The following DLG1 variants were observed in gnomAD, a reference collection of about 807,000 sequenced individuals.
The protein encoded by DLG1 is discs large MAGUK scaffold protein 1, also known as disks large homolog 1.
Under a neutral mutation model 123.4 loss-of-function variants are expected in DLG1, and 42 were observed. That is an observed-to-expected ratio of 0.34 (90% confidence interval 0.27 to 0.44). The LOEUF is 0.44. Among genes scored for constraint, DLG1 ranks in the 20% least tolerant of loss-of-function variants. The pLI, the probability that DLG1 is intolerant of heterozygous loss-of-function variation, is 1.00. For synonymous variants in DLG1, 317 were observed against 356.2 expected, an observed-to-expected ratio of 0.89 and a Z score of 1.24; for missense variants, 942 against 1,082.6, an observed-to-expected ratio of 0.87 and a Z score of 1.82.
intron 4 of DLG1, among the ~76,000 whole-genome samples, chr3:197,281,130 C>A (rs547037687): frequency 1.3e-5 from 2 of 151,550 alleles, no homozygotes; most frequent in African/African-American, 2.4e-5. Flanking sequence ...CTCCGCCTCC[C>A]AGGTTCAAGC....
At chr3:197,051,833 ATTTTTTTTTTT>A (rs35979905) in intron 23 of DLG1, among the ~76,000 whole-genome samples, 165 bp from the exon 24 acceptor site, 7 of 90,254 alleles carry the variant, frequency 7.8e-5, no homozygotes, top group East Asian at 4.4e-4. Context: ...ATTTCTGGGA[ATTTTTTTTTTT>A]TTTTTTTTTT....
intron 13 of DLG1, 78 bp downstream of exon 13, chr3:197,115,849 T>C: frequency 7.0e-7 from 1 of 1,427,152 alleles, no homozygotes; most frequent in African/African-American, 1.5e-5. Context: ...CTTTAGGATA[T>C]AAAAAAACAG....
At chr3:197,232,652 T>C (rs912956521) in intron 4 of DLG1, among the ~76,000 whole-genome samples, 1 of 152,108 alleles carries the variant, frequency 6.6e-6, no homozygotes, top group Non-Finnish European at 1.5e-5. Flanking sequence ...TCATGAATAT[T>C]TGTTCAACAA....
intron 13 of DLG1, 39 bp downstream of exon 13, chr3:197,115,888 G>A: frequency 6.3e-7 from 1 of 1,596,416 alleles, no homozygotes; most frequent in Non-Finnish European, 8.5e-7. Context: ...TAGGTCCAGT[G>A]AAAATAACAA....
intron 4 of DLG1, among the ~76,000 whole-genome samples, chr3:197,210,402 GGAAA>G (rs1561471510): frequency 6.9e-6 from 1 of 144,066 alleles, no homozygotes. Context: ...GACAGATCAA[GGAAA>G]GAGAGAATAT....
chr3:197,101,312 A>G (rs1763306628), intron 14 of DLG1, among the ~76,000 whole-genome samples: 1 of 152,232 alleles, frequency 6.6e-6, no homozygotes, highest in South Asian at 2.1e-4. Flanking sequence ...CTTGGGAGTT[A>G]AAAGAGTGAA....
At chr3:197,193,824 C>CT (rs541980236) in intron 5 of DLG1, among the ~76,000 whole-genome samples, 1,743 of 143,672 alleles carry the variant, frequency 0.012, 21 homozygotes, top group South Asian at 0.028. Context: ...TGTTAATGCT[C>CT]TTTTTTTTTT....
chr3:197,178,723 G>A (rs1420706805), intron 5 of DLG1, among the ~76,000 whole-genome samples: 8 of 152,144 alleles, frequency 5.3e-5, no homozygotes, highest in East Asian at 3.8e-4. Context: ...CTATCCACGA[G>A]TCAAAGGAGA....
intron 4 of DLG1, among the ~76,000 whole-genome samples, chr3:197,251,820 C>CA (rs1428699970): frequency 6.6e-6 from 1 of 151,870 alleles, no homozygotes; most frequent in Non-Finnish European, 1.5e-5. Flanking sequence ...AACTTAATAG[C>CA]AAAAAAACAA....
intron 5 of DLG1, among the ~76,000 whole-genome samples, chr3:197,159,224 T>C (rs937640964): frequency 6.6e-6 from 1 of 152,226 alleles, no homozygotes; most frequent in Non-Finnish European, 1.5e-5. Flanking sequence ...TGCCACTCTG[T>C]ATAATAAGCA....
At chr3:197,079,054 G>GAA (rs3836426) in intron 17 of DLG1, among the ~76,000 whole-genome samples, 1 of 151,744 alleles carries the variant, frequency 6.6e-6, no homozygotes, top group South Asian at 2.1e-4. Flanking sequence ...TATTAAAAGT[G>GAA]AAAAAAATAG....
At chr3:197,230,894 C>G (rs1434757643) in intron 4 of DLG1, among the ~76,000 whole-genome samples, 1 of 152,176 alleles carries the variant, frequency 6.6e-6, no homozygotes, top group Non-Finnish European at 1.5e-5. Flanking sequence ...GTAGTATCTG[C>G]TAAGAAATGA....
At chr3:197,138,934 A>G (rs1425050970) in intron 8 of DLG1, among the ~76,000 whole-genome samples, 1 of 152,234 alleles carries the variant, frequency 6.6e-6, no homozygotes, top group Non-Finnish European at 1.5e-5. Flanking sequence ...CACGAGTTTA[A>G]GGTCACAGAG....
chr3:197,236,017 T>G (rs149289955), intron 4 of DLG1, among the ~76,000 whole-genome samples: 2,097 of 152,150 alleles, frequency 0.014, 29 homozygotes, highest in Non-Finnish European at 0.017. Flanking sequence ...AAACTATCAT[T>G]CAAAAATAAA....
rs781133340 is a variant in DLG1 at position 197,161,681 on chromosome 3, C to A, written c.484-11885G>T. 6 of 1,575,500 alleles carry A rather than the reference C, an allele frequency of 3.8e-6. No homozygotes were observed. In the South Asian group the frequency reaches 4.8e-5, roughly 13 times the overall value. The stretch of plus-strand genomic sequence containing the variant: ...AGGATGACAGTATTCTCAGCAGGGA[C>A]TGGCAGGACAGGGATCACAGGGACA... On this transcript the variant is annotated intron_variant, in intron 5 of 24. Coordinates refer to ENST00000667157, the MANE Select transcript of DLG1 (RefSeq NM_001366207.1).
intron 24 of DLG1, among the ~76,000 whole-genome samples, chr3:197,051,308 A>G (rs1464713341): frequency 1.3e-5 from 2 of 148,514 alleles, no homozygotes; most frequent in Admixed American, 1.3e-4. Flanking sequence ...GGGAGGCCCC[A>G]GCTACTCGGG....
intron 3 of DLG1, among the ~76,000 whole-genome samples, chr3:197,291,830 G>A (rs1454207209): frequency 6.6e-6 from 1 of 152,102 alleles, no homozygotes. Flanking sequence ...GGATTACAAT[G>A]ACTAAATGAT....
intron 5 of DLG1, among the ~76,000 whole-genome samples, chr3:197,165,057 AAC>A (rs752375996): frequency 2.6e-5 from 4 of 152,224 alleles, no homozygotes; most frequent in African/African-American, 4.8e-5. Flanking sequence ...GGGAAGATGA[AAC>A]ACATAAAAAA....
intron 4 of DLG1, among the ~76,000 whole-genome samples, chr3:197,279,621 T>C (rs1329799243): frequency 6.6e-6 from 1 of 152,304 alleles, no homozygotes; most frequent in Admixed American, 6.5e-5. Context: ...CCTATTCCCT[T>C]GAGGTGCCTT....
Sources: allele counts gnomAD v4.1 joint callset (sites outside exome capture counted in the v4.1 genomes callset), GRCh38; gene constraint gnomAD v4.1.1; transcripts MANE v1.5; gene names NCBI Gene and HGNC (gene_info 2026-07-23, HGNC 2026-07-21).